KLHL14: variants seen among roughly 807,000 people sequenced by gnomAD.
KLHL14 encodes kelch like family member 14, also known as kelch-like protein 14.
In KLHL14, 22 loss-of-function variants were observed where a neutral mutation model predicts 64.3. The ratio of observed to expected loss-of-function variants is 0.34; its 90% CI spans 0.24 to 0.49. KLHL14 has a LOEUF of 0.49. Among genes scored for constraint, KLHL14 ranks in the 20% least tolerant of loss-of-function variants. The pLI is 0.99. For missense variants in KLHL14, 661 were observed against 789.0 expected (o/e 0.84, Z 1.94); for synonymous variants, 322 against 333.4 (o/e 0.97, Z 0.37).
At chr18:32,729,587 T>C (rs1344323801) in intron 3 of KLHL14, among the ~76,000 whole-genome samples, 2 of 152,224 alleles carry the variant, frequency 1.3e-5, no homozygotes, top group African/African-American at 4.8e-5. Context: ...CATAATATCA[T>C]TGGTTTTAGG....
chr18:32,678,923 G>C (rs2049824289), intron 7 of KLHL14, among the ~76,000 whole-genome samples: 1 of 152,072 alleles, frequency 6.6e-6, no homozygotes, highest in Non-Finnish European at 1.5e-5. Context: ...AGAGCATTTA[G>C]ACAATATCTT....
intron 2 of KLHL14, among the ~76,000 whole-genome samples, chr18:32,751,267 T>C (rs1413349115): frequency 6.6e-6 from 1 of 152,226 alleles, no homozygotes; most frequent in East Asian, 1.9e-4. Context: ...GTAAACTCCT[T>C]TGAGAGTTTG....
At chr18:32,764,293 G>A (rs1028020032) in intron 2 of KLHL14, among the ~76,000 whole-genome samples, 3 of 151,996 alleles carry the variant, frequency 2.0e-5, no homozygotes, top group African/African-American at 4.8e-5. Flanking sequence ...TTGAAAAAAT[G>A]AGAAACTCAT....
intron 3 of KLHL14, among the ~76,000 whole-genome samples, chr18:32,734,858 GTCTA>G (rs1158174377): frequency 1.3e-5 from 2 of 151,756 alleles, no homozygotes; most frequent in Non-Finnish European, 2.9e-5. Flanking sequence ...TTCAATTCAG[GTCTA>G]TCTGTCTCTA....
At chr18:32,688,582 C>T (rs2049891600) in intron 4 of KLHL14, among the ~76,000 whole-genome samples, 1 of 152,182 alleles carries the variant, frequency 6.6e-6, no homozygotes, top group African/African-American at 2.4e-5. Flanking sequence ...GAATGAGCCT[C>T]TCAGGCAAGG....
intron 2 of KLHL14, among the ~76,000 whole-genome samples, chr18:32,754,472 C>T (rs1307049959): frequency 6.6e-6 from 1 of 152,156 alleles, no homozygotes; most frequent in Non-Finnish European, 1.5e-5. Context: ...CAACATCTTT[C>T]CACTAAAATT....
rs1434432612 is a variant in KLHL14, at chr18:32,674,451, C to A, written c.*206G>T. The A allele has an allele frequency of 4.3e-6, 2 of 470,060 alleles. No homozygotes were observed. Among genetic ancestry groups the A allele is most frequent in the Non-Finnish European group, 7.6e-6 (2 of 261,790 alleles). The allele number at this position is 470,060 out of a possible 1,614,324, so 29.1% of individuals were successfully genotyped here. A position where few individuals can be genotyped will look rare whatever the true frequency, so the allele number is the denominator to read the frequency against. ...TCTGAAATGGAAGAGTCTGTCACCA[C>A]AGGAAGTTTGGTGCGATCTGAGTTA... On this transcript the variant is annotated 3_prime_UTR_variant, in exon 9 of 9. Coordinates refer to ENST00000359358, the MANE Select transcript of KLHL14 (RefSeq NM_020805.3).
intron 3 of KLHL14, among the ~76,000 whole-genome samples, chr18:32,702,063 T>G (rs542069812): frequency 6.6e-6 from 1 of 152,242 alleles, no homozygotes; most frequent in African/African-American, 2.4e-5. Flanking sequence ...AAAATCCATT[T>G]GTATTTTATA....
chr18:32,695,819 T>A (rs1190419563), intron 3 of KLHL14, among the ~76,000 whole-genome samples: 1 of 152,146 alleles, frequency 6.6e-6, no homozygotes, highest in Non-Finnish European at 1.5e-5. Context: ...GAACAACCTG[T>A]CATGCTGCTT....
At chr18:32,687,900 C>G (rs1049653341) in intron 4 of KLHL14, among the ~76,000 whole-genome samples, 1 of 152,082 alleles carries the variant, frequency 6.6e-6, no homozygotes, top group Non-Finnish European at 1.5e-5. Context: ...TAGTTTTGTC[C>G]TATGCATATC....
At chr18:32,688,780 A>G (rs2049892993) in intron 4 of KLHL14, among the ~76,000 whole-genome samples, 1 of 152,174 alleles carries the variant, frequency 6.6e-6, no homozygotes, top group Non-Finnish European at 1.5e-5. Flanking sequence ...GCAAGTGAAA[A>G]ACAGTCCAAT....
At position 32,769,900 on chromosome 18, in the gene KLHL14, G is replaced by T. The variant is rs1324018610; in HGVS notation, c.692C>A (p.Pro231His). ...MRALLDSLPP[P>H]VESELALFQM... ...GAAGAGCGCCAGCTCCGACTCCACG[G>T]GGGGCGGCAGCGAGTCCAGCAGGGC... Residue 231 changes from proline to histidine, a missense_variant, in exon 2 of 9, where the codon CCC becomes CAC. Transcript: ENST00000359358. The T allele has an allele frequency of 1.2e-6, 2 of 1,614,108 alleles. No individual in the cohort carries two copies. The highest frequency in any genetic ancestry group is 1.7e-6 in the Non-Finnish European group (2 of 1,180,038).
At chr18:32,739,938 T>C (rs1202469976) in intron 3 of KLHL14, among the ~76,000 whole-genome samples, 1 of 152,202 alleles carries the variant, frequency 6.6e-6, no homozygotes, top group Non-Finnish European at 1.5e-5. Context: ...GTAATAGCAA[T>C]AGTACCTGCA....
intron 3 of KLHL14, among the ~76,000 whole-genome samples, chr18:32,713,884 A>G (rs2144502690): frequency 6.6e-6 from 1 of 152,288 alleles, no homozygotes; most frequent in South Asian, 2.1e-4. Context: ...TGGAACATGC[A>G]AATAATTATT....
intron 3 of KLHL14, among the ~76,000 whole-genome samples, chr18:32,696,935 T>C (rs1422323380): frequency 6.6e-6 from 1 of 152,210 alleles, no homozygotes; most frequent in Admixed American, 6.5e-5. Context: ...TTTATTTACC[T>C]ACTGACTTAT....
intron 1 of KLHL14, among the ~76,000 whole-genome samples, chr18:32,771,784 G>C (rs1192663792): frequency 6.6e-6 from 1 of 151,424 alleles, no homozygotes; most frequent in Non-Finnish European, 1.5e-5. Flanking sequence ...GGGAGGGGTG[G>C]GGGCTGTCGA....
chr18:32,729,748 G>A (rs7342998), intron 3 of KLHL14, among the ~76,000 whole-genome samples: 6,834 of 152,190 alleles, frequency 0.045, 518 homozygotes, highest in African/African-American at 0.16. Flanking sequence ...ATCTTGACTT[G>A]ATTTTGTCTG....
At chr18:32,721,781 T>C (rs975995795) in intron 3 of KLHL14, among the ~76,000 whole-genome samples, 1 of 152,194 alleles carries the variant, frequency 6.6e-6, no homozygotes, top group African/African-American at 2.4e-5. Context: ...ATCATCTCTC[T>C]TCAAATCACA....
chr18:32,717,479 T>C (rs2050052324), intron 3 of KLHL14, among the ~76,000 whole-genome samples: 5 of 152,202 alleles, frequency 3.3e-5, no homozygotes. Context: ...GAAAAGTTGG[T>C]ACTCATGCAT....
Sources: gnomAD v4.1 joint callset for allele counts (sites outside exome capture counted in the v4.1 genomes callset) on GRCh38, gnomAD v4.1.1 for gene constraint, MANE v1.5 for transcripts, NCBI Gene and HGNC (gene_info 2026-07-23, HGNC 2026-07-21) for gene names.